Variants in EXOC6B observed in about 807,000 individuals in gnomAD.
EXOC6B encodes SEC15 homolog B.
Under a neutral mutation model 113.5 loss-of-function variants are expected in EXOC6B, and 54 were observed. The ratio of observed to expected loss-of-function variants is 0.48; its 90% confidence interval spans 0.38 to 0.60. The LOEUF (loss-of-function observed/expected upper bound fraction) is 0.60. Among genes scored for constraint, EXOC6B ranks in the 20% least tolerant of loss-of-function variants. The pLI is 0.00. For missense variants in EXOC6B, 797 were observed against 977.5 expected (o/e 0.82, Z 2.46); for synonymous variants, 357 against 339.0 (o/e 1.05, Z -0.58).
chr2:72,573,288 C>A (rs1449054685), intron 7 of EXOC6B, among the ~76,000 whole-genome samples: 1 of 152,138 alleles, frequency 6.6e-6, no homozygotes, highest in African/African-American at 2.4e-5. Flanking sequence ...GCCCATAAGC[C>A]ACAGTATCTG....
chr2:72,738,722 T>C (rs1332477364), intron 2 of EXOC6B, among the ~76,000 whole-genome samples: 2 of 152,144 alleles, frequency 1.3e-5, no homozygotes, highest in Non-Finnish European at 2.9e-5. Flanking sequence ...ATGTGTGTAA[T>C]AGCAACACTT....
intron 6 of EXOC6B, among the ~76,000 whole-genome samples, chr2:72,667,098 C>T (rs1469646895): frequency 3.9e-5 from 6 of 152,118 alleles, no homozygotes; most frequent in African/African-American, 9.7e-5. Flanking sequence ...CTCCTGACCT[C>T]GAGATCCACC....
At chr2:72,635,926 A>G (rs1672785526) in intron 6 of EXOC6B, among the ~76,000 whole-genome samples, 1 of 152,228 alleles carries the variant, frequency 6.6e-6, no homozygotes, top group Non-Finnish European at 1.5e-5. Flanking sequence ...GATACATCAT[A>G]TTAACAGACT....
intron 6 of EXOC6B, among the ~76,000 whole-genome samples, chr2:72,648,370 G>C (rs1012485930): frequency 5.9e-5 from 9 of 152,184 alleles, no homozygotes; most frequent in Non-Finnish European, 1.3e-4. Flanking sequence ...AAGACAGTGT[G>C]GCGATTCCTC....
At chr2:72,694,968 G>A (rs1455392568) in intron 6 of EXOC6B, among the ~76,000 whole-genome samples, 2 of 152,174 alleles carry the variant, frequency 1.3e-5, no homozygotes, top group Non-Finnish European at 2.9e-5. Context: ...CCTGGAGACG[G>A]GGGTGGGGAT....
At chr2:72,300,004 G>A (rs187913538) in intron 20 of EXOC6B, among the ~76,000 whole-genome samples, 2 of 152,274 alleles carry the variant, frequency 1.3e-5, no homozygotes, top group African/African-American at 4.8e-5. Flanking sequence ...GGGGGTCAGG[G>A]ACCCACTTGA....
intron 1 of EXOC6B, among the ~76,000 whole-genome samples, chr2:72,800,637 G>A (rs950036475): frequency 1.3e-5 from 2 of 152,092 alleles, no homozygotes; most frequent in Non-Finnish European, 2.9e-5. Flanking sequence ...TTACAGATGA[G>A]AAAAGTGAGA....
At chr2:72,603,377 C>A (rs1670549825) in intron 6 of EXOC6B, among the ~76,000 whole-genome samples, 1 of 151,968 alleles carries the variant, frequency 6.6e-6, no homozygotes, top group Admixed American at 6.6e-5. Context: ...GGCCCCCCAG[C>A]ACCTGAGAAT....
At chr2:72,228,714 T>C (rs377215772) in intron 20 of EXOC6B, among the ~76,000 whole-genome samples, 3 of 152,318 alleles carry the variant, frequency 2.0e-5, no homozygotes, top group Middle Eastern at 3.4e-3. Context: ...TGAATAGTGC[T>C]GCAATAAACA....
At chr2:72,800,386 T>C (rs539711804) in intron 1 of EXOC6B, among the ~76,000 whole-genome samples, 9 of 152,240 alleles carry the variant, frequency 5.9e-5, no homozygotes, top group African/African-American at 1.9e-4. Flanking sequence ...AGTTCAAAAC[T>C]AGGCAGGAGG....
chr2:72,762,595 A>G (rs1474066295), intron 1 of EXOC6B, among the ~76,000 whole-genome samples: 2 of 152,100 alleles, frequency 1.3e-5, no homozygotes, highest in African/African-American at 4.8e-5. Context: ...CATATCAATC[A>G]ACAAAGCAAA....
intron 20 of EXOC6B, among the ~76,000 whole-genome samples, chr2:72,285,102 A>G (rs965677019): frequency 3.9e-5 from 6 of 152,106 alleles, no homozygotes; most frequent in African/African-American, 1.4e-4. Context: ...AAATTTTTCT[A>G]TGGATGTTGA....
chr2:72,531,525 G>A (rs1009282649), intron 8 of EXOC6B, among the ~76,000 whole-genome samples: 8 of 152,094 alleles, frequency 5.3e-5, no homozygotes, highest in South Asian at 4.2e-4. Context: ...AAATTATACT[G>A]TATGCTAGAC....
intron 19 of EXOC6B, among the ~76,000 whole-genome samples, chr2:72,378,847 A>G (rs1313747139): frequency 6.6e-6 from 1 of 152,180 alleles, no homozygotes; most frequent in African/African-American, 2.4e-5. Context: ...TTCTTTCCTA[A>G]CCAAAGCCTA....
intron 1 of EXOC6B, among the ~76,000 whole-genome samples, chr2:72,793,709 G>A (rs561500867): frequency 6.6e-6 from 1 of 152,280 alleles, no homozygotes; most frequent in Admixed American, 6.5e-5. Flanking sequence ...AGGTGTAAGA[G>A]AAAGTCACTG....
chr2:72,380,687 A>G (rs590252), intron 18 of EXOC6B, among the ~76,000 whole-genome samples: 52,377 of 151,920 alleles, frequency 0.34, 14,279 homozygotes, highest in African/African-American at 0.76. Context: ...AAACAAAAAG[A>G]TTACCTGAAA....
At chr2:72,493,551 G>A (rs1226599665) in intron 15 of EXOC6B, among the ~76,000 whole-genome samples, 2 of 151,444 alleles carry the variant, frequency 1.3e-5, no homozygotes, top group African/African-American at 2.4e-5. Flanking sequence ...GTTCTTTATC[G>A]CCTGAATTCT....
intron 20 of EXOC6B, among the ~76,000 whole-genome samples, chr2:72,304,945 G>A (rs928525125): frequency 6.6e-6 from 1 of 152,090 alleles, no homozygotes; most frequent in Non-Finnish European, 1.5e-5. Context: ...AGAAGCTGCT[G>A]GTACAAGTAT....
intron 18 of EXOC6B, among the ~76,000 whole-genome samples, chr2:72,443,705 G>A (rs1007609916): frequency 6.6e-6 from 1 of 152,180 alleles, no homozygotes; most frequent in African/African-American, 2.4e-5. Context: ...GAGAATATGT[G>A]CAGGGGAACT....
Sources: allele counts gnomAD v4.1 joint callset (sites outside exome capture counted in the v4.1 genomes callset), GRCh38; gene constraint gnomAD v4.1.1; transcripts MANE v1.5; gene names NCBI Gene and HGNC (gene_info 2026-07-23, HGNC 2026-07-21).